Variants in KALRN observed in about 807,000 individuals in gnomAD.
The protein encoded by KALRN is kalirin.
In KALRN, 70 loss-of-function variants were observed where a neutral mutation model predicts 353.7. The ratio of observed to expected loss-of-function variants is 0.20; its 90% CI spans 0.16 to 0.24. KALRN has a LOEUF of 0.24. Ranked by LOEUF, KALRN falls within the 10% of genes least tolerant of loss-of-function variation. The probability of loss-of-function intolerance (pLI) is 1.00; values close to 1 mark genes in which losing one functional copy is unlikely to be tolerated. For synonymous variants in KALRN, 1,391 were observed against 1,434.8 expected (o/e 0.97, Z 0.69); for missense variants, 2,791 against 3,756.7 (o/e 0.74, Z 6.72).
intron 1 of KALRN, among the ~76,000 whole-genome samples, chr3:124,206,970 G>C (rs1297043058): frequency 6.6e-6 from 1 of 152,166 alleles, no homozygotes; most frequent in African/African-American, 2.4e-5. Flanking sequence ...ACTTTCCAAG[G>C]GGTTGGTAGA....
At chr3:124,372,098 A>T (rs2149801676) in intron 10 of KALRN, among the ~76,000 whole-genome samples, 1 of 152,316 alleles carries the variant, frequency 6.6e-6, no homozygotes, top group South Asian at 2.1e-4. Context: ...CTCCAGTTCC[A>T]TCCACGTTTT....
chr3:124,667,085 C>G lies in KALRN; in HGVS notation c.6605C>G (p.Ser2202Cys). ...TTTGCACTCATGAACAGAGAGACTTCTGAGAGGGTTGTTCTGCAAGCCGCC... is the reference window on the plus strand; with the variant it reads ...TTTGCACTCATGAACAGAGAGACTTGTGAGAGGGTTGTTCTGCAAGCCGCC... ...CKFALMNRET[S>C]ERVVLQAANA... The change falls in exon 47 of 60, where the codon TCT becomes TGT. Residue 2202 changes from serine to cysteine, a missense_variant. By Grantham distance (112) the Ser-to-Cys change is moderately radical. Around this residue, in one of 11 missense-constraint regions of KALRN, gnomAD observed 1,065 missense variants for 1,156.4 expected, o/e 0.92. Coordinates refer to ENST00000682506, the MANE Select transcript of KALRN (RefSeq NM_001388419.1). 6.2e-7 allele frequency: 1 copy of G among 1,614,194 alleles called. No homozygotes were observed. The highest frequency in any genetic ancestry group is 8.5e-7 in the Non-Finnish European group (1 of 1,180,022).
At chr3:124,573,372 G>A (rs2713649) in intron 34 of KALRN, among the ~76,000 whole-genome samples, 46,686 of 152,138 alleles carry the variant, frequency 0.31, 7,360 homozygotes, top group East Asian at 0.38. Context: ...CAGTTAATGT[G>A]AAGTTCCCTG....
chr3:124,588,974 C>G (rs959142079), intron 34 of KALRN, among the ~76,000 whole-genome samples: 1 of 152,218 alleles, frequency 6.6e-6, no homozygotes, highest in Non-Finnish European at 1.5e-5. Flanking sequence ...CTTACCCAAA[C>G]TGAATCACTT....
At chr3:124,650,551 T>C (rs566322079) in intron 37 of KALRN, among the ~76,000 whole-genome samples, 1 of 152,246 alleles carries the variant, frequency 6.6e-6, no homozygotes, top group Non-Finnish European at 1.5e-5. Flanking sequence ...ATAGTCACTT[T>C]GACAATTTCA....
chr3:124,439,200 T>TTACACACACACACACACACACACACA (rs1395318707), intron 18 of KALRN, among the ~76,000 whole-genome samples, 163 bp downstream of exon 18: 14 of 98,874 alleles, frequency 1.4e-4, no homozygotes, highest in African/African-American at 4.2e-4. Flanking sequence ...TCTCTCTCTC[T>TTACACACACACACACACACACACACA]CACACACACA....
intron 3 of KALRN, among the ~76,000 whole-genome samples, chr3:124,251,727 G>A (rs560131932): frequency 1.3e-5 from 2 of 152,300 alleles, no homozygotes; most frequent in East Asian, 3.9e-4. Flanking sequence ...TTGAAGACAA[G>A]TTGGGATTTG....
intron 55 of KALRN, 146 bp downstream of exon 55, chr3:124,697,870 C>G: frequency 1.3e-6 from 1 of 787,266 alleles, no homozygotes; most frequent in Non-Finnish European, 1.9e-6. Context: ...CTATATTGCC[C>G]AGGCTGGTCT....
chr3:124,310,932 T>A (rs1181582318), intron 6 of KALRN, among the ~76,000 whole-genome samples: 1 of 152,030 alleles, frequency 6.6e-6, no homozygotes, highest in African/African-American at 2.4e-5. Context: ...GACAACCCAA[T>A]TAAAATGTGC....
chr3:124,314,829 A>G (rs1423330514), intron 6 of KALRN, among the ~76,000 whole-genome samples: 3 of 152,106 alleles, frequency 2.0e-5, no homozygotes, highest in Admixed American at 2.0e-4. Flanking sequence ...TAATTTTTTA[A>G]TTTTTTGTAG....
At chr3:124,275,296 C>T (rs2074588787) in intron 5 of KALRN, among the ~76,000 whole-genome samples, 2 of 152,196 alleles carry the variant, frequency 1.3e-5, no homozygotes, top group African/African-American at 4.8e-5. Flanking sequence ...CTTCCTTCCT[C>T]TTCCTTTGAG....
intron 57 of KALRN, 91 bp downstream of exon 57, chr3:124,702,207 C>T: frequency 1.3e-6 from 1 of 768,674 alleles, no homozygotes; most frequent in Non-Finnish European, 2.1e-6. Context: ...TTGTTTATTT[C>T]TTTTACAAAT....
chr3:124,643,391 C>T (rs1480007224), intron 37 of KALRN, among the ~76,000 whole-genome samples: 1 of 152,148 alleles, frequency 6.6e-6, no homozygotes, highest in Non-Finnish European at 1.5e-5. Flanking sequence ...AGCTTTTCAA[C>T]TGTGTATTGT....
intron 1 of KALRN, among the ~76,000 whole-genome samples, chr3:124,141,759 A>G (rs1055013732): frequency 6.6e-6 from 1 of 152,160 alleles, no homozygotes; most frequent in Non-Finnish European, 1.5e-5. Context: ...TGCCCCAGGA[A>G]TCTGCCCTTG....
At position 124,674,624 on chromosome 3, in the gene KALRN, T is replaced by C. The variant is rs966791626; in HGVS notation, c.7193+10T>C. 1 of 1,568,162 alleles carries C rather than the reference T, an allele frequency of 6.4e-7. No individual in the cohort carries two copies. The highest frequency in any genetic ancestry group is 1.4e-5 in the African/African-American group (1 of 73,660). On this transcript the variant is annotated intron_variant, in intron 49 of 59. Coordinates refer to ENST00000682506, the MANE Select transcript of KALRN (RefSeq NM_001388419.1). ...GTGACGGGAGCATCAAGTAAGTGCC[T>C]CGTTGGCTTCCCCGGGAGAGGAGTA...
chr3:124,434,861 T>C (rs2093408395), intron 17 of KALRN, among the ~76,000 whole-genome samples: 1 of 152,170 alleles, frequency 6.6e-6, no homozygotes, highest in Non-Finnish European at 1.5e-5. Context: ...AATCCAAAAC[T>C]CAGTGACATA....
At chr3:124,610,351 T>C (rs1395462071) in intron 34 of KALRN, among the ~76,000 whole-genome samples, 1 of 152,036 alleles carries the variant, frequency 6.6e-6, no homozygotes, top group African/African-American at 2.4e-5. Context: ...AACACTGAAG[T>C]TGCATGCAGG....
chr3:124,408,754 G>A (rs1361294495), intron 13 of KALRN, among the ~76,000 whole-genome samples: 3 of 152,118 alleles, frequency 2.0e-5, no homozygotes, highest in African/African-American at 2.4e-5. Flanking sequence ...TTTGATTCAG[G>A]CAGATACAGT....
intron 21 of KALRN, among the ~76,000 whole-genome samples, chr3:124,453,722 A>T (rs13324961): frequency 0.027 from 4,092 of 152,260 alleles, 193 homozygotes; most frequent in African/African-American, 0.091. Flanking sequence ...AGAGTTTGAA[A>T]ATCCAAACTT....
Sources: allele counts gnomAD v4.1 joint callset (sites outside exome capture counted in the v4.1 genomes callset), GRCh38; gene constraint gnomAD v4.1.1; regional missense constraint gnomAD v4.1.1; transcripts MANE v1.5; gene names NCBI Gene and HGNC (gene_info 2026-07-23, HGNC 2026-07-21).